RIPOR3: variants seen among roughly 807,000 people sequenced by gnomAD.
RIPOR3 encodes RIPOR family member 3, also known as family with sequence similarity 65 member C.
In RIPOR3, 95 loss-of-function variants were observed where a neutral mutation model predicts 114.3. The ratio of observed to expected loss-of-function variants is 0.83; its 90% CI spans 0.70 to 0.99. The LOEUF (loss-of-function observed/expected upper bound fraction) is 0.99. RIPOR3 is among the 50% of genes least tolerant of loss of function. The pLI is 0.00. For missense variants in RIPOR3, 1,252 were observed against 1,266.9 expected, an observed-to-expected ratio of 0.99 and a Z score of 0.18; for synonymous variants, 575 against 543.8, an observed-to-expected ratio of 1.06 and a Z score of -0.80.
At chr20:50,588,084 C>T (rs186625375) in intron 20 of RIPOR3, among the ~76,000 whole-genome samples, 192 bp from the exon 21 acceptor site, 55 of 152,338 alleles carry the variant, frequency 3.6e-4, no homozygotes, top group African/African-American at 1.1e-3. Context: ...GGAAGCGTCT[C>T]GCCTCTTCAG....
Position 50,608,736 on chromosome 20 carries a change from C to A in RIPOR3, c.687G>T (p.Val229=). The change falls in exon 10 of 22, where the codon GTG becomes GTT. Residue 229 remains valine, a splice_region_variant and synonymous_variant. Transcript: ENST00000327979. ...AACGCTGGCGGCCCAGACGCATGAGCACCTGTGAACCAGCCCGAGAGGGGC... is the reference window on the plus strand; with the variant it reads ...AACGCTGGCGGCCCAGACGCATGAGAACCTGTGAACCAGCCCGAGAGGGGC... ...ARLCPGDHYE[V]LMRLGRQRWK... 2 of 1,613,976 alleles carry A rather than the reference C, an allele frequency of 1.2e-6. No homozygotes were observed. Among genetic ancestry groups the A allele is most frequent in the Non-Finnish European group, 1.7e-6 (2 of 1,179,900 alleles).
At chr20:50,649,887 A>T (rs1456851507) in intron 1 of RIPOR3, among the ~76,000 whole-genome samples, 1 of 152,102 alleles carries the variant, frequency 6.6e-6, no homozygotes, top group African/African-American at 2.4e-5. Flanking sequence ...GGGTCAAAAG[A>T]TCTGGGCTCC....
At position 50,587,118 on chromosome 20, in the gene RIPOR3, C is replaced by T. The variant is rs2082943764; in HGVS notation, c.*114G>A. The stretch of plus-strand genomic sequence containing the variant: ...CCGGAGTCTCAGGTAGAGCTCTGGG[C>T]AGCTCACACTCCTGGAGGAGTGCAC... On this transcript the variant is annotated 3_prime_UTR_variant, in exon 22 of 22. Coordinates refer to ENST00000327979, the MANE Select transcript of RIPOR3 (RefSeq NM_001290268.2). 7 of 778,402 alleles carry T rather than the reference C, an allele frequency of 9.0e-6. No individual in the cohort carries two copies. In the South Asian group the frequency reaches 1.1e-4, roughly 12 times the overall value. The allele number at this position is 778,402 out of a possible 1,614,324, so 48.2% of individuals were successfully genotyped here. A position where few individuals can be genotyped will look rare whatever the true frequency, so the allele number is the denominator to read the frequency against.
At chr20:50,593,940 C>G (rs2083198022) in intron 17 of RIPOR3, among the ~76,000 whole-genome samples, 1 of 152,000 alleles carries the variant, frequency 6.6e-6, no homozygotes, top group African/African-American at 2.4e-5. Context: ...CTTTACCCGT[C>G]AGGCTCTGGT....
chr20:50,632,822 T>C (rs2084862680), intron 1 of RIPOR3, among the ~76,000 whole-genome samples: 1 of 152,248 alleles, frequency 6.6e-6, no homozygotes, highest in South Asian at 2.1e-4. Flanking sequence ...ACCTGAGCAC[T>C]GGGTTTAGAA....
At chr20:50,592,691 A>T (rs550341296) in intron 18 of RIPOR3, 145 bp from the exon 19 acceptor site, 1 of 738,662 alleles carries the variant, frequency 1.4e-6, no homozygotes, top group African/African-American at 1.8e-5. Flanking sequence ...GCCTGGACTA[A>T]TTTCACAGGG....
At chr20:50,652,638 A>G (rs181564117) in intron 1 of RIPOR3, among the ~76,000 whole-genome samples, 13 of 151,882 alleles carry the variant, frequency 8.6e-5, no homozygotes, top group African/African-American at 2.9e-4. Context: ...AGAAAGAAAG[A>G]AAAGAAAAGA....
chr20:50,594,434 A>ATGAAGACACAGAGG (rs2083218565), intron 17 of RIPOR3, 119 bp downstream of exon 17: 2 of 1,226,706 alleles, frequency 1.6e-6, no homozygotes, highest in East Asian at 2.4e-5. Flanking sequence ...GTCCGATGGC[A>ATGAAGACACAGAGG]TGAAGACACA....
intron 2 of RIPOR3, among the ~76,000 whole-genome samples, chr20:50,626,667 G>A (rs1291303525): frequency 6.6e-6 from 1 of 152,256 alleles, no homozygotes; most frequent in East Asian, 1.9e-4. Flanking sequence ...GGCAGGGCCA[G>A]TTGTGAAATT....
chr20:50,590,082 G>A (rs1036955690), intron 19 of RIPOR3: 1 of 316,314 alleles, frequency 3.2e-6, no homozygotes, highest in South Asian at 2.9e-5. Flanking sequence ...GAAATCAGAT[G>A]CCCAGCTCAG....
At chr20:50,652,620 AAAAGAAAAGAAAG>A (rs2085659157) in intron 1 of RIPOR3, among the ~76,000 whole-genome samples, 3 of 150,690 alleles carry the variant, frequency 2.0e-5, no homozygotes, top group Non-Finnish European at 4.4e-5. Flanking sequence ...AAAAGAAAAG[AAAAGAAAAGAAAG>A]AAAGAAAAGA....
chr20:50,655,584 G>C (rs980854121), intron 1 of RIPOR3, among the ~76,000 whole-genome samples: 1 of 152,096 alleles, frequency 6.6e-6, no homozygotes, highest in African/African-American at 2.4e-5. Flanking sequence ...TTTTTGGAAA[G>C]CTGCGCCTGT....
rs2086529515 is a variant in RIPOR3 at position 50,672,055 on chromosome 20, AGGATGGAT to A, written c.3+19063_3+19070del. Among the ~76,000 whole-genome samples, 5 of 151,382 alleles carry A rather than the reference AGGATGGAT, an allele frequency of 3.3e-5. No individual in the cohort carries two copies. In the South Asian group the frequency reaches 1.0e-3, roughly 32 times the overall value. ...GTGGGTGGGTGATTGGATGGATGGA[AGGATGGAT>A]GGGTGGATAGATGGAACCACTGGCT... On this transcript the variant is annotated intron_variant, in intron 1 of 21. Transcript: ENST00000327979.
At chr20:50,669,784 G>A (rs769057418) in intron 1 of RIPOR3, among the ~76,000 whole-genome samples, 9 of 152,030 alleles carry the variant, frequency 5.9e-5, no homozygotes, top group Non-Finnish European at 1.3e-4. Flanking sequence ...TAAGACAAGG[G>A]GCAGAGGGAC....
intron 1 of RIPOR3, among the ~76,000 whole-genome samples, chr20:50,637,092 G>A (rs1282343531): frequency 6.6e-6 from 1 of 152,184 alleles, no homozygotes; most frequent in Non-Finnish European, 1.5e-5. Context: ...GCCCGAGGAG[G>A]CTTCTCTGGG....
intron 1 of RIPOR3, among the ~76,000 whole-genome samples, chr20:50,675,133 G>A (rs2086642116): frequency 6.6e-6 from 1 of 152,076 alleles, no homozygotes; most frequent in Non-Finnish European, 1.5e-5. Flanking sequence ...GCCGCAAGCT[G>A]AGGAACAACA....
chr20:50,690,378 A>G (rs2087168737), intron 1 of RIPOR3, among the ~76,000 whole-genome samples: 1 of 151,978 alleles, frequency 6.6e-6, no homozygotes. Flanking sequence ...TGCACTGGGC[A>G]CTCTTCGTTC....
At chr20:50,672,345 G>T (rs1600742416) in intron 1 of RIPOR3, among the ~76,000 whole-genome samples, 1 of 152,116 alleles carries the variant, frequency 6.6e-6, no homozygotes, top group Non-Finnish European at 1.5e-5. Flanking sequence ...AAAGGGGTTG[G>T]GGCCCCCTGC....
At chr20:50,603,923 T>C (rs2083595327) in intron 12 of RIPOR3, among the ~76,000 whole-genome samples, 1 of 152,194 alleles carries the variant, frequency 6.6e-6, no homozygotes, top group Non-Finnish European at 1.5e-5. Flanking sequence ...GGCTCATGCC[T>C]GTAATCCCAG....
Sources: gnomAD v4.1 joint callset for allele counts (sites outside exome capture counted in the v4.1 genomes callset) on GRCh38, gnomAD v4.1.1 for gene constraint, MANE v1.5 for transcripts, NCBI Gene and HGNC (gene_info 2026-07-23, HGNC 2026-07-21) for gene names.